Variants in SYTL5 observed in about 807,000 individuals in gnomAD.
The protein encoded by SYTL5 is synaptotagmin like 5, also known as synaptotagmin-like protein 5.
A neutral mutation model predicts 55.9 loss-of-function variants in SYTL5; 34 were observed. The ratio of observed to expected loss-of-function variants is 0.61; its 90% CI spans 0.46 to 0.81. SYTL5 has a LOEUF of 0.81. Ranked by LOEUF, SYTL5 falls within the 30% of genes least tolerant of loss-of-function variation. The pLI, the probability that SYTL5 is intolerant of heterozygous loss-of-function variation, is 0.00. For synonymous variants in SYTL5, 221 were observed against 188.7 expected, an observed-to-expected ratio of 1.17 and a Z score of -1.40; for missense variants, 637 against 546.7, an observed-to-expected ratio of 1.17 and a Z score of -1.65.
chrX:38,112,009 T>A (rs1937371632), intron 13 of SYTL5, among the ~76,000 whole-genome samples: 1 of 106,297 alleles, frequency 9.4e-6, no homozygotes, highest in Admixed American at 1.0e-4. Context: ...CACTTCCACA[T>A]TGTCAATGAG....
intron 1 of SYTL5, among the ~76,000 whole-genome samples, chrX:38,033,277 C>T (rs747171998): frequency 2.7e-5 from 3 of 111,546 alleles, no homozygotes; most frequent in Non-Finnish European, 5.6e-5. Context: ...CGACGTGATG[C>T]AGCTGGCGGA....
chrX:38,080,963 G>A (rs1936517423), intron 6 of SYTL5, among the ~76,000 whole-genome samples: 2 of 111,671 alleles, frequency 1.8e-5, no homozygotes, highest in Admixed American at 1.9e-4. Flanking sequence ...ATAGCTAGTT[G>A]CTAATGCTAT....
chrX:37,947,374 G>A, the SYTL5 span, among the ~76,000 whole-genome samples: 2 of 111,220 alleles, frequency 1.8e-5, no homozygotes, highest in Admixed American at 9.6e-5. Context: ...TGCTGTTCTC[G>A]TGATATTGAG....
intron 1 of SYTL5, 130 bp downstream of exon 1, chrX:38,006,798 G>T (rs773088783): frequency 4.7e-4 from 52 of 111,247 alleles, no homozygotes; most frequent in African/African-American, 1.6e-3. Flanking sequence ...ATTTGATATT[G>T]TATTTTACAG....
chrX:37,890,986 C>T, the SYTL5 span, among the ~76,000 whole-genome samples: 1 of 111,146 alleles, frequency 9.0e-6, no homozygotes, highest in African/African-American at 3.3e-5. Context: ...AGCTGGGCAA[C>T]AAAGCAAGAC....
intron 2 of SYTL5, among the ~76,000 whole-genome samples, 171 bp from the exon 3 acceptor site, chrX:38,054,042 C>T (rs1438057882): frequency 1.8e-5 from 2 of 111,963 alleles, no homozygotes; most frequent in African/African-American, 6.5e-5. Flanking sequence ...ACTAGCGACA[C>T]CAAATAGGCA....
chrX:37,945,765 T>C, the SYTL5 span: 1 of 114,081 alleles, frequency 8.8e-6, no homozygotes, highest in Non-Finnish European at 1.9e-5. Flanking sequence ...GATTTACTCA[T>C]GAGTAAATGA....
the SYTL5 span, among the ~76,000 whole-genome samples, chrX:37,970,979 T>A: frequency 8.9e-6 from 1 of 112,344 alleles, no homozygotes; most frequent in Non-Finnish European, 1.9e-5. Context: ...CTGATATTAT[T>A]TTACCAATAA....
chrX:37,986,424 A>C, the SYTL5 span, among the ~76,000 whole-genome samples: 1 of 111,653 alleles, frequency 9.0e-6, no homozygotes, highest in Non-Finnish European at 1.9e-5. Context: ...ACAGAACAGG[A>C]CAGGGATTTT....
chrX:37,889,399 A>G, the SYTL5 span, among the ~76,000 whole-genome samples: 1 of 105,439 alleles, frequency 9.5e-6, no homozygotes, highest in South Asian at 3.7e-4. Flanking sequence ...TCAGTCTACT[A>G]AACAGTCCAG....
At chrX:37,925,012 C>T in the SYTL5 span, among the ~76,000 whole-genome samples, 1 of 110,430 alleles carries the variant, frequency 9.1e-6, no homozygotes, top group Non-Finnish European at 1.9e-5. Flanking sequence ...TAAGCAATCT[C>T]TCATTCCCCC....
chrX:38,024,988 G>A (rs1055503498), intron 1 of SYTL5, among the ~76,000 whole-genome samples: 7 of 111,817 alleles, frequency 6.3e-5, no homozygotes, highest in Admixed American at 3.8e-4. Context: ...TTTGGGGTTC[G>A]TTGTAAAAGT....
intron 1 of SYTL5, among the ~76,000 whole-genome samples, chrX:38,015,490 G>C (rs1026981734): frequency 9.0e-6 from 1 of 111,397 alleles, no homozygotes. Flanking sequence ...CTGTAACATA[G>C]TAATTGCCAA....
At chrX:37,969,232 A>G in the SYTL5 span, among the ~76,000 whole-genome samples, 14 of 112,052 alleles carry the variant, frequency 1.2e-4, no homozygotes, top group African/African-American at 4.5e-4. Flanking sequence ...TTAGTAACCT[A>G]AATTTCTAAT....
chrX:38,063,162 T>C, intron 3 of SYTL5, among the ~76,000 whole-genome samples: 1 of 111,336 alleles, frequency 9.0e-6, no homozygotes, highest in East Asian at 2.8e-4. Context: ...CTGGTCATCT[T>C]TGGCCTGATG....
In SYTL5 at chrX:38,097,240, A is replaced by C. The variant is rs61703489; in HGVS notation, c.1062+1006A>C. Among the ~76,000 whole-genome samples the C allele has an allele frequency of 2.0e-3, 227 of 110,952 alleles. 1 individual carries two copies. In the East Asian group the frequency reaches 0.029, roughly 14 times the overall value. On this transcript the variant is annotated intron_variant, in intron 9 of 16. Coordinates refer to ENST00000297875, the MANE Select transcript of SYTL5 (RefSeq NM_138780.3). ...GGGTGGAAGAATGAGTCTATATAAG[A>C]ATATTTGTCAGCATAATTTATATCA...
At chrX:38,102,541 G>A (rs768976306) in intron 10 of SYTL5, 107 bp downstream of exon 10, 30 of 548,757 alleles carry the variant, frequency 5.5e-5, no homozygotes, top group Non-Finnish European at 9.0e-5. Flanking sequence ...GTGATAATGA[G>A]TTAAAAGTCA....
Position 38,033,631 on chromosome X carries a change from A to G in SYTL5, c.-259A>G, listed in dbSNP as rs902186643. ...TTCAGCTGCTGCCTGACTGTATACCACAGCAAAGGCTTTGGAAACATTTTT... is the reference window on the plus strand; with the variant it reads ...TTCAGCTGCTGCCTGACTGTATACCGCAGCAAAGGCTTTGGAAACATTTTT... On this transcript the variant is annotated 5_prime_UTR_variant, in exon 2 of 17. Transcript: ENST00000297875. 1 of 171,614 alleles carries G rather than the reference A, an allele frequency of 5.8e-6. No homozygotes were observed. The highest frequency in any genetic ancestry group is 1.1e-5 in the Non-Finnish European group (1 of 91,308). 14.1% of individuals were successfully genotyped at this position (171,614 alleles called of 1,213,427 possible). A position where few individuals can be genotyped will look rare whatever the true frequency, so the allele number is the denominator to read the frequency against.
rs1421351213 is a variant in SYTL5, at chrX:38,094,421, T to C, written c.958T>C (p.Ser320Pro). 8.4e-7 allele frequency: 1 copy of C among 1,195,367 alleles called. No homozygotes were observed. Among genetic ancestry groups the C allele is most frequent in the Admixed American group, 2.2e-5 (1 of 45,800 alleles). The change falls in exon 8 of 17, where the codon TCA (serine) becomes CCA (proline). Residue 320 changes from serine (S) to proline (P), a missense_variant. Physicochemically the swap from Ser to Pro is moderately conservative, Grantham distance 74. Coordinates refer to ENST00000297875, the MANE Select transcript of SYTL5 (RefSeq NM_138780.3). The part of the protein sequence containing the change: ...SIAVSGTSLS[S>P]DQSRSELDLS... The stretch of plus-strand genomic sequence containing the variant: ...AGCAGTGTCTGGAACCTCTCTCTCC[T>C]CAGGTGGGTATTTACAATGTGCCTA...
Sources: gnomAD v4.1 joint callset for allele counts (sites outside exome capture counted in the v4.1 genomes callset) on GRCh38, gnomAD v4.1.1 for gene constraint, MANE v1.5 for transcripts, NCBI Gene and HGNC (gene_info 2026-07-23, HGNC 2026-07-21) for gene names.